ERBB4: variants seen among roughly 807,000 people sequenced by gnomAD.
ERBB4 encodes receptor tyrosine-protein kinase erbB-4.
In ERBB4, 42 loss-of-function variants were observed where a neutral mutation model predicts 158.0. The observed-to-expected ratio is 0.27, with a 90% confidence interval of 0.21 to 0.34. ERBB4 has a LOEUF of 0.34. Among genes scored for constraint, ERBB4 ranks in the 10% least tolerant of loss-of-function variants. ERBB4 has a pLI of 1.00. For missense variants in ERBB4, 1,333 were observed against 1,624.1 expected (o/e 0.82, Z 3.08); for synonymous variants, 583 against 558.7 (o/e 1.04, Z -0.61).
chr2:212,080,308 T>C (rs2078398541), intron 2 of ERBB4, among the ~76,000 whole-genome samples: 1 of 147,976 alleles, frequency 6.8e-6, no homozygotes, highest in African/African-American at 2.5e-5. Flanking sequence ...CCAGACTCCG[T>C]CTCAAAAAAA....
rs146021994 is a variant in ERBB4, at chr2:211,801,335, G to A, written c.422-13176C>T. 1.8e-3 allele frequency among the ~76,000 whole-genome samples: 275 copies of A among 152,128 alleles called. 2 individuals carry two copies. In the Middle Eastern group the frequency reaches 0.024, roughly 13 times the overall value. The stretch of plus-strand genomic sequence containing the variant: ...AGGTGAACTTACTGGATTAAATACC[G>A]CTCAATATCATACGAGAACTGAAAT... On this transcript the variant is annotated intron_variant, in intron 3 of 27. Transcript: ENST00000342788.
intron 20 of ERBB4, among the ~76,000 whole-genome samples, chr2:211,456,384 T>A (rs1283952550): frequency 6.6e-6 from 1 of 152,196 alleles, no homozygotes; most frequent in Admixed American, 6.5e-5. Flanking sequence ...CTTTAGGCAC[T>A]CAGATATACT....
chr2:211,876,353 C>T (rs555046623), intron 3 of ERBB4, among the ~76,000 whole-genome samples: 1 of 152,272 alleles, frequency 6.6e-6, no homozygotes, highest in South Asian at 2.1e-4. Context: ...ACCACATCCA[C>T]TTAAAGAATG....
At chr2:212,521,324 A>G (rs1467157225) in intron 1 of ERBB4, among the ~76,000 whole-genome samples, 1 of 151,850 alleles carries the variant, frequency 6.6e-6, no homozygotes, top group Non-Finnish European at 1.5e-5. Context: ...TGAAGAAAAA[A>G]AGGATTTGAG....
At chr2:211,494,498 C>T (rs2065421962) in intron 20 of ERBB4, among the ~76,000 whole-genome samples, 1 of 152,076 alleles carries the variant, frequency 6.6e-6, no homozygotes, top group African/African-American at 2.4e-5. Flanking sequence ...TTCCCTTTGA[C>T]TTCACTCTGT....
chr2:211,888,692 G>A (rs1324294850), intron 3 of ERBB4, among the ~76,000 whole-genome samples: 1 of 151,292 alleles, frequency 6.6e-6, no homozygotes, highest in African/African-American at 2.4e-5. Context: ...GTGGGTGCGC[G>A]CACCGTGCGC....
chr2:212,140,315 T>A (rs1348346381), intron 1 of ERBB4, among the ~76,000 whole-genome samples: 1 of 149,276 alleles, frequency 6.7e-6, no homozygotes, highest in East Asian at 1.9e-4. Context: ...ATGTTGCAAA[T>A]GGTTTTCTCT....
At chr2:212,473,592 G>C (rs1276722692) in intron 1 of ERBB4, among the ~76,000 whole-genome samples, 1 of 151,966 alleles carries the variant, frequency 6.6e-6, no homozygotes, top group Admixed American at 6.6e-5. Context: ...TTTTTCAAAT[G>C]TTACTAACCA....
chr2:211,539,687 G>A (rs1450476385), intron 20 of ERBB4, among the ~76,000 whole-genome samples: 1 of 151,860 alleles, frequency 6.6e-6, no homozygotes, highest in African/African-American at 2.4e-5. Context: ...TTCTTTACTT[G>A]TCTGATGTTT....
intron 1 of ERBB4, among the ~76,000 whole-genome samples, chr2:212,282,912 A>C (rs529051450): frequency 6.6e-6 from 1 of 151,974 alleles, no homozygotes; most frequent in Non-Finnish European, 1.5e-5. Flanking sequence ...ACAAATGGGG[A>C]AAGATAGATG....
intron 16 of ERBB4, among the ~76,000 whole-genome samples, chr2:211,649,384 C>A (rs988366772): frequency 4.0e-5 from 6 of 151,764 alleles, no homozygotes; most frequent in African/African-American, 1.4e-4. Flanking sequence ...AAGCTCCTAG[C>A]TAAATATAAG....
intron 5 of ERBB4, among the ~76,000 whole-genome samples, chr2:211,732,717 G>A (rs1044556168): frequency 6.6e-6 from 1 of 152,104 alleles, no homozygotes; most frequent in Non-Finnish European, 1.5e-5. Flanking sequence ...CCAGCACTTT[G>A]GAAGGCTGAG....
chr2:211,878,999 C>A (rs1415241914), intron 3 of ERBB4, among the ~76,000 whole-genome samples: 1 of 151,992 alleles, frequency 6.6e-6, no homozygotes. Context: ...TATGTGTGTC[C>A]TCTAACCCTC....
intron 25 of ERBB4, among the ~76,000 whole-genome samples, chr2:211,393,060 G>T (rs1270853411): frequency 6.6e-6 from 1 of 152,086 alleles, no homozygotes; most frequent in African/African-American, 2.4e-5. Context: ...ACTATGAGTG[G>T]TATCTGTAAA....
intron 1 of ERBB4, among the ~76,000 whole-genome samples, chr2:212,488,342 T>C (rs1238434963): frequency 4.0e-5 from 6 of 151,530 alleles, no homozygotes; most frequent in East Asian, 1.9e-4. Flanking sequence ...TCTCTCTCTC[T>C]CCTCTCTCTC....
chr2:211,654,149 A>T (rs185996193), intron 16 of ERBB4, among the ~76,000 whole-genome samples: 1 of 152,316 alleles, frequency 6.6e-6, no homozygotes, highest in Admixed American at 6.5e-5. Context: ...ATTTGTTGCA[A>T]TACTGAAGAC....
chr2:211,447,550 G>A (rs540192229), intron 20 of ERBB4, among the ~76,000 whole-genome samples: 1 of 152,166 alleles, frequency 6.6e-6, no homozygotes, highest in African/African-American at 2.4e-5. Flanking sequence ...AAAATATAAT[G>A]GTTCTTTCTT....
intron 1 of ERBB4, among the ~76,000 whole-genome samples, chr2:212,327,720 C>CTTTTTTTTTTTT (rs1560028639): frequency 9.2e-5 from 4 of 43,530 alleles, no homozygotes; most frequent in East Asian, 4.4e-4. Flanking sequence ...TTTTTTTTTT[C>CTTTTTTTTTTTT]TTTTTTTCTT....
chr2:211,683,039 C>T (rs1027357362), intron 12 of ERBB4, among the ~76,000 whole-genome samples: 11 of 150,972 alleles, frequency 7.3e-5, no homozygotes, highest in African/African-American at 2.7e-4. Context: ...GCATATGTGG[C>T]TTATGAGCTC....
Sources: gnomAD v4.1 joint callset for allele counts (sites outside exome capture counted in the v4.1 genomes callset) on GRCh38, gnomAD v4.1.1 for gene constraint, MANE v1.5 for transcripts, NCBI Gene and HGNC (gene_info 2026-07-23, HGNC 2026-07-21) for gene names.